Variants in FRY observed in about 807,000 individuals in gnomAD.
FRY encodes the protein protein furry homolog.
FRY carries 128 observed loss-of-function variants against 348.4 expected under a neutral mutation model. The observed-to-expected ratio is 0.37, with a 90% CI of 0.32 to 0.43. The LOEUF (loss-of-function observed/expected upper bound fraction) is 0.43, where lower values mean the gene tolerates loss of function less well. Ranked by LOEUF, FRY falls within the 20% of genes least tolerant of loss-of-function variation. FRY has a pLI of 1.00. For synonymous variants in FRY, 1,370 were observed against 1,374.7 expected, an observed-to-expected ratio of 1.00 and a Z score of 0.08; for missense variants, 2,736 against 3,695.2, an observed-to-expected ratio of 0.74 and a Z score of 6.73.
chr13:32,297,774 A>T lies in FRY; in HGVS notation c.*2314A>T, dbSNP rs1593868195. The T allele has an allele frequency of 6.6e-6, 1 of 152,308 alleles. No homozygotes were observed. Among genetic ancestry groups the T allele is most frequent in the East Asian group, 1.9e-4 (1 of 5,182 alleles). The allele number at this position is 152,308 out of a possible 1,614,324, so 9.4% of individuals were successfully genotyped here. A position where few individuals can be genotyped will look rare whatever the true frequency, so the allele number is the denominator to read the frequency against. ...CTATTGCTCTGTGCCTCTGTTACAG[A>T]AGCATTAATGTTAATTGCCTTCCCC... On this transcript the variant is annotated 3_prime_UTR_variant, in exon 61 of 61. Transcript: ENST00000542859.
chr13:32,140,529 G>C (rs1339408345), intron 11 of FRY, among the ~76,000 whole-genome samples: 2 of 151,918 alleles, frequency 1.3e-5, no homozygotes, highest in Non-Finnish European at 2.9e-5. Flanking sequence ...AGCACTCCCT[G>C]GTCTCTTAGA....
chr13:32,289,815 C>A, intron 59 of FRY, 72 bp downstream of exon 59: 1 of 801,934 alleles, frequency 1.2e-6, no homozygotes, highest in Non-Finnish European at 2.3e-6. Flanking sequence ...TCACTCCACC[C>A]CTTTTATAAC....
At chr13:32,217,263 T>C (rs1885049704) in intron 35 of FRY, among the ~76,000 whole-genome samples, 1 of 152,224 alleles carries the variant, frequency 6.6e-6, no homozygotes, top group Non-Finnish European at 1.5e-5. Flanking sequence ...GCTACATATA[T>C]ATTAAGTTGA....
intron 1 of FRY, among the ~76,000 whole-genome samples, chr13:32,061,519 T>G (rs759150357): frequency 6.6e-6 from 1 of 152,212 alleles, no homozygotes; most frequent in African/African-American, 2.4e-5. Context: ...TGAAAAATAA[T>G]TAATAGCATC....
At chr13:32,138,677 G>C (rs1336606574) in intron 11 of FRY, among the ~76,000 whole-genome samples, 1 of 152,198 alleles carries the variant, frequency 6.6e-6, no homozygotes, top group Non-Finnish European at 1.5e-5. Context: ...GAATGCTATA[G>C]AGACTGAACC....
At chr13:32,074,321 G>GA (rs556184411) in intron 1 of FRY, among the ~76,000 whole-genome samples, 1 of 151,964 alleles carries the variant, frequency 6.6e-6, no homozygotes, top group Non-Finnish European at 1.5e-5. Flanking sequence ...AGGCAATGGA[G>GA]AAAAAAATTA....
At chr13:32,271,718 C>T (rs1348441718) in intron 55 of FRY, among the ~76,000 whole-genome samples, 1 of 152,202 alleles carries the variant, frequency 6.6e-6, no homozygotes, top group Non-Finnish European at 1.5e-5. Flanking sequence ...GAAGATGACC[C>T]CTTCCCCTGA....
chr13:32,070,733 A>G (rs148806058), intron 1 of FRY, among the ~76,000 whole-genome samples: 11,936 of 152,068 alleles, frequency 0.078, 506 homozygotes, highest in African/African-American at 0.11. Flanking sequence ...CCATTTGTCT[A>G]TTTTGGCTTT....
chr13:32,261,679 T>C lies in FRY; in HGVS notation c.7480T>C (p.Cys2494Arg). ...ACGTTCTCTGGACAGCCTGGATAAG[T>C]GTGATATGCAGATTCTGGAGGAGCG... ...RRRSLDSLDK[C>R]DMQILEERQL... The change falls in exon 52 of 61, where the codon TGT (cysteine) becomes CGT (arginine). Residue 2494 changes from cysteine (C) to arginine (R), a missense_variant. Cys to Arg is a radical substitution (Grantham distance 180). This residue lies in a region of FRY where 789 missense variants were observed against 996.2 expected (regional missense o/e 0.79). Coordinates refer to ENST00000542859, the MANE Select transcript of FRY (RefSeq NM_023037.3). 1.2e-6 allele frequency: 2 copies of C among 1,614,094 alleles called. No homozygotes were observed. The highest frequency in any genetic ancestry group is 3.3e-5 in the Admixed American group (2 of 60,008).
At chr13:32,045,552 AG>A (rs1401045893) in intron 1 of FRY, among the ~76,000 whole-genome samples, 1 of 152,244 alleles carries the variant, frequency 6.6e-6, no homozygotes, top group East Asian at 1.9e-4. Context: ...AATGGTTGCA[AG>A]CACACTGAAT....
intron 28 of FRY, among the ~76,000 whole-genome samples, chr13:32,190,071 G>A (rs749835452): frequency 3.3e-5 from 5 of 151,306 alleles, no homozygotes; most frequent in Non-Finnish European, 5.9e-5. Context: ...TCAGATGTAC[G>A]AAAAGCATTT....
In FRY at chr13:32,262,476, G is replaced by A. The variant is rs1393501427; in HGVS notation, c.7779+1G>A. The A allele has an allele frequency of 6.2e-7, 1 of 1,609,896 alleles. No homozygotes were observed. ...TCTGCAGATTTCTGAGGGTTCAAAG[G>A]TGAAGAGATTTTAACAATGATGATT... is the stretch of plus-strand genomic sequence containing the variant. On this transcript the variant is annotated splice_donor_variant, in intron 53 of 60. Coordinates refer to ENST00000542859, the MANE Select transcript of FRY (RefSeq NM_023037.3). LOFTEE classifies it high-confidence loss of function.
intron 54 of FRY, 54 bp from the exon 55 acceptor site, chr13:32,267,116 G>A: frequency 6.7e-7 from 1 of 1,495,128 alleles, no homozygotes; most frequent in Non-Finnish European, 9.3e-7. Context: ...ATAAAACCCA[G>A]TATAGGATGA....
chr13:32,089,588 C>A (rs138529217), intron 2 of FRY, among the ~76,000 whole-genome samples: 2 of 151,714 alleles, frequency 1.3e-5, no homozygotes, highest in Non-Finnish European at 2.9e-5. Context: ...CGTGGTGAGA[C>A]CCCCCATCTC....
At chr13:32,200,123 T>C (rs985965559) in intron 29 of FRY, among the ~76,000 whole-genome samples, 1 of 152,196 alleles carries the variant, frequency 6.6e-6, no homozygotes, top group African/African-American at 2.4e-5. Context: ...CATTAATCCA[T>C]GAATAGATTA....
chr13:32,269,423 G>A (rs1888098352), intron 55 of FRY, among the ~76,000 whole-genome samples: 1 of 152,164 alleles, frequency 6.6e-6, no homozygotes, highest in South Asian at 2.1e-4. Context: ...AGGCACAGTG[G>A]CTCACACCTG....
chr13:32,039,783 G>A (rs112081428), intron 1 of FRY, among the ~76,000 whole-genome samples: 1 of 152,192 alleles, frequency 6.6e-6, no homozygotes, highest in Non-Finnish European at 1.5e-5. Flanking sequence ...TAACATTTCA[G>A]CTAATACTTT....
chr13:32,076,726 T>C (rs867944232), intron 1 of FRY, among the ~76,000 whole-genome samples: 2 of 152,124 alleles, frequency 1.3e-5, no homozygotes, highest in Non-Finnish European at 2.9e-5. Flanking sequence ...TTTAAGGAGA[T>C]TTATTGAGTA....
At chr13:32,154,964 C>T (rs930053443) in intron 14 of FRY, among the ~76,000 whole-genome samples, 2 of 152,210 alleles carry the variant, frequency 1.3e-5, no homozygotes, top group Non-Finnish European at 2.9e-5. Context: ...GTAACAGGTT[C>T]TGTGGCATTG....
Sources: gnomAD v4.1 joint callset for allele counts (sites outside exome capture counted in the v4.1 genomes callset) on GRCh38, gnomAD v4.1.1 for gene constraint, gnomAD v4.1.1 regional missense constraint, MANE v1.5 for transcripts, NCBI Gene and HGNC (gene_info 2026-07-23, HGNC 2026-07-21) for gene names.